The following ADAM2 variants were observed in gnomAD, a reference collection of about 807,000 sequenced individuals.
ADAM2 encodes the protein ADAM metallopeptidase domain 2, also known as disintegrin and metalloproteinase domain-containing protein 2.
In ADAM2, 101 loss-of-function variants were observed where a neutral mutation model predicts 99.3. That is an observed-to-expected ratio of 1.02 (90% CI 0.87 to 1.20). ADAM2 has a LOEUF of 1.20. Ranked by LOEUF, ADAM2 falls within the 50% of genes most tolerant of loss-of-function variation. The pLI is 0.00. For missense variants in ADAM2, 948 were observed against 878.7 expected (o/e 1.08, Z -1.00); for synonymous variants, 323 against 287.6 (o/e 1.12, Z -1.25).
At chr8:39,754,667 T>G (rs927282300) in intron 16 of ADAM2, among the ~76,000 whole-genome samples, 2 of 152,220 alleles carry the variant, frequency 1.3e-5, no homozygotes, top group Non-Finnish European at 1.5e-5. Context: ...TAAATGAATA[T>G]TAGTAAAGTT....
At position 39,785,380 on chromosome 8, in the gene ADAM2, G is replaced by A. The variant is rs114961748; in HGVS notation, c.891+1594C>T. Reference sequence around the variant, plus strand: ...AATAAAAAACAACAGATGCTGATGAGGCTATGAGGAAAACAGACTGCTTAT... The same window carrying A: ...AATAAAAAACAACAGATGCTGATGAAGCTATGAGGAAAACAGACTGCTTAT... On this transcript the variant is annotated intron_variant, in intron 10 of 20. Transcript: ENST00000265708. 5.8e-3 allele frequency among the ~76,000 whole-genome samples: 890 copies of A among 152,260 alleles called. 9 individuals are homozygous for A. The highest frequency in any genetic ancestry group is 0.02 in the African/African-American group (847 of 41,558).
chr8:39,834,051 A>C, intron 2 of ADAM2, 52 bp from the exon 3 acceptor site: 1 of 957,304 alleles, frequency 1.0e-6, no homozygotes, highest in Non-Finnish European at 1.6e-6. Flanking sequence ...AAATGTTAGA[A>C]GGGATAACCA....
intron 16 of ADAM2, among the ~76,000 whole-genome samples, chr8:39,751,220 G>A (rs1361787451): frequency 6.6e-6 from 1 of 152,126 alleles, no homozygotes; most frequent in Non-Finnish European, 1.5e-5. Context: ...TACTAGCTCT[G>A]GATACTGGAT....
chr8:39,749,474 T>G, intron 17 of ADAM2, 24 bp from the exon 18 acceptor site: 1 of 1,601,296 alleles, frequency 6.2e-7, no homozygotes, highest in East Asian at 2.2e-5. Flanking sequence ...AAATATCACC[T>G]TATAAGATAA....
intron 10 of ADAM2, among the ~76,000 whole-genome samples, chr8:39,777,787 T>C (rs895604101): frequency 1.3e-5 from 2 of 151,498 alleles, no homozygotes; most frequent in Non-Finnish European, 2.9e-5. Flanking sequence ...AAACATCACA[T>C]CTCCCCATAA....
At chr8:39,801,585 G>T (rs896472) in intron 7 of ADAM2, among the ~76,000 whole-genome samples, 1 of 152,110 alleles carries the variant, frequency 6.6e-6, no homozygotes, top group Non-Finnish European at 1.5e-5. Context: ...CATTCATCTG[G>T]GCTGCTCGGA....
At chr8:39,820,291 T>G (rs1233185207) in intron 6 of ADAM2, among the ~76,000 whole-genome samples, 1 of 152,152 alleles carries the variant, frequency 6.6e-6, no homozygotes, top group Non-Finnish European at 1.5e-5. Context: ...TTGAAATAAA[T>G]TTTTATATCC....
chr8:39,755,748 T>C lies in ADAM2; in HGVS notation c.1777A>G (p.Thr593Ala). The C allele has an allele frequency of 6.2e-7, 1 of 1,612,668 alleles. No individual in the cohort carries two copies. Among genetic ancestry groups the C allele is most frequent in the Non-Finnish European group, 8.5e-7 (1 of 1,179,378 alleles). The change falls in exon 16 of 21, where the codon ACT (threonine) becomes GCT (alanine). Residue 593 changes from threonine (T) to alanine (A), a missense_variant. Physicochemically the swap from Thr to Ala is moderately conservative, Grantham distance 58. Coordinates refer to ENST00000265708, the MANE Select transcript of ADAM2 (RefSeq NM_001464.5). ...CCTACCTTATTTGAACCACAAGAAG[T>C]TCCATCTTTTATCCACATCTTTTGG... is the stretch of plus-strand genomic sequence containing the variant. ...DSQKMWIKDG[T>A]SCGSNKVCRN...
At chr8:39,769,358 AT>A in intron 12 of ADAM2, 33 bp downstream of exon 12, 1 of 1,523,066 alleles carries the variant, frequency 6.6e-7, no homozygotes, top group Non-Finnish European at 8.9e-7. Flanking sequence ...TTTTGCTGCA[AT>A]TTCAGTGCGT....
At chr8:39,786,936 T>C (rs772525854) in intron 10 of ADAM2, 38 bp downstream of exon 10, 16 of 1,414,182 alleles carry the variant, frequency 1.1e-5, no homozygotes, top group Non-Finnish European at 1.4e-5. Context: ...TGTATACTAA[T>C]TTATGTAGCA....
In ADAM2 at chr8:39,795,117, T is replaced by C. The variant is rs760113050; in HGVS notation, c.571-6377A>G. 4.5e-4 allele frequency among the ~76,000 whole-genome samples: 69 copies of C among 152,294 alleles called. 1 individual carries two copies. The highest frequency in any genetic ancestry group is 1.2e-3 in the South Asian group (6 of 4,832). Reference sequence around the variant, plus strand: ...TTGCTAAGTTAAGTTGAAGAATAGATAATTATGGACTATCTAGATCATTTT... The same window carrying C: ...TTGCTAAGTTAAGTTGAAGAATAGACAATTATGGACTATCTAGATCATTTT... On this transcript the variant is annotated intron_variant, in intron 7 of 20. Coordinates refer to ENST00000265708, the MANE Select transcript of ADAM2 (RefSeq NM_001464.5).
In ADAM2 at chr8:39,769,367, C is replaced by A. The variant is rs774653988; in HGVS notation, c.1212+25G>T. 8 of 1,566,874 alleles carry A rather than the reference C, an allele frequency of 5.1e-6. No individual in the cohort carries two copies. The East Asian group carries it at 1.1e-4, about 22-fold the overall frequency. ...AGTAATTTTTGCTGCAATTTCAGTG[C>A]GTAGTCTTCCGAATTAGTACCAACC... On this transcript the variant is annotated intron_variant, in intron 12 of 20. Coordinates refer to ENST00000265708, the MANE Select transcript of ADAM2 (RefSeq NM_001464.5).
chr8:39,812,200 T>C (rs1468777117), intron 6 of ADAM2, among the ~76,000 whole-genome samples: 2 of 152,084 alleles, frequency 1.3e-5, no homozygotes, highest in Non-Finnish European at 2.9e-5. Flanking sequence ...ATAAAATACC[T>C]AGGAATCCAA....
At chr8:39,824,305 G>A (rs1406547803) in intron 4 of ADAM2, among the ~76,000 whole-genome samples, 1 of 148,406 alleles carries the variant, frequency 6.7e-6, no homozygotes, top group Non-Finnish European at 1.5e-5. Flanking sequence ...GAACACTTCA[G>A]GCATGACTAA....
intron 6 of ADAM2, among the ~76,000 whole-genome samples, chr8:39,811,651 A>G (rs1321707455): frequency 6.6e-6 from 1 of 152,240 alleles, no homozygotes; most frequent in Non-Finnish European, 1.5e-5. Context: ...GTAATCCAGC[A>G]TATAAACAGA....
At chr8:39,830,380 C>T (rs1276247011) in intron 3 of ADAM2, among the ~76,000 whole-genome samples, 1 of 152,066 alleles carries the variant, frequency 6.6e-6, no homozygotes, top group Non-Finnish European at 1.5e-5. Flanking sequence ...GCAAAATAAC[C>T]ACACCCATCA....
At chr8:39,819,780 T>G (rs1465097059) in intron 6 of ADAM2, among the ~76,000 whole-genome samples, 1 of 152,122 alleles carries the variant, frequency 6.6e-6, no homozygotes, top group Non-Finnish European at 1.5e-5. Context: ...GAGTCAATTC[T>G]ATAAAATCTC....
intron 16 of ADAM2, among the ~76,000 whole-genome samples, chr8:39,752,854 C>G (rs956941197): frequency 6.6e-6 from 1 of 152,176 alleles, no homozygotes; most frequent in African/African-American, 2.4e-5. Context: ...TTTGTTCCTC[C>G]TTTGCCTTCT....
chr8:39,798,150 A>G (rs1804048664), intron 7 of ADAM2, among the ~76,000 whole-genome samples: 1 of 152,230 alleles, frequency 6.6e-6, no homozygotes, highest in African/African-American at 2.4e-5. Context: ...GTTTTTGCCC[A>G]TTCAGTATGA....
Sources: gnomAD v4.1 joint callset for allele counts (sites outside exome capture counted in the v4.1 genomes callset) on GRCh38, gnomAD v4.1.1 for gene constraint, MANE v1.5 for transcripts, NCBI Gene and HGNC (gene_info 2026-07-23, HGNC 2026-07-21) for gene names.